The following NALF1 variants were observed in gnomAD, a reference collection of about 807,000 sequenced individuals.
NALF1 encodes family with sequence similarity 155 member A.
In NALF1, 3 loss-of-function variants were observed where a neutral mutation model predicts 48.4. The observed-to-expected ratio is 0.06, with a 90% CI of 0.03 to 0.16. NALF1 has a LOEUF of 0.16. Ranked by LOEUF, NALF1 falls within the 10% of genes least tolerant of loss-of-function variation. The pLI is 1.00. For synonymous variants in NALF1, 262 were observed against 245.7 expected (o/e 1.07, Z -0.62); for missense variants, 526 against 571.5 (o/e 0.92, Z 0.81).
intron 1 of NALF1, among the ~76,000 whole-genome samples, chr13:107,382,733 G>A (rs1883461557): frequency 2.0e-5 from 3 of 152,208 alleles, no homozygotes; most frequent in Middle Eastern, 3.4e-3. Context: ...GTGCTGATTG[G>A]TCGTTTGGTA....
At chr13:107,289,022 T>G (rs1270308450) in intron 1 of NALF1, among the ~76,000 whole-genome samples, 1 of 152,208 alleles carries the variant, frequency 6.6e-6, no homozygotes, top group Non-Finnish European at 1.5e-5. Context: ...GAAACATAGA[T>G]AGCCACCCAT....
intron 1 of NALF1, among the ~76,000 whole-genome samples, chr13:107,282,502 T>C (rs1447083836): frequency 6.6e-6 from 1 of 152,192 alleles, no homozygotes; most frequent in Admixed American, 6.5e-5. Context: ...TCTGGCCTCA[T>C]CATATCTCTA....
chr13:107,565,274 C>T (rs1877772796), intron 1 of NALF1, among the ~76,000 whole-genome samples: 1 of 150,626 alleles, frequency 6.6e-6, no homozygotes, highest in East Asian at 2.0e-4. Context: ...AATCCCATCA[C>T]TTTGGGAGAC....
chr13:107,252,096 AC>A (rs1053079168), intron 1 of NALF1, among the ~76,000 whole-genome samples: 5 of 151,350 alleles, frequency 3.3e-5, no homozygotes, highest in Non-Finnish European at 5.9e-5. Flanking sequence ...AGCCTCTACC[AC>A]CCCCACTGGG....
chr13:107,520,196 T>C (rs1315297020), intron 1 of NALF1, among the ~76,000 whole-genome samples: 1 of 152,178 alleles, frequency 6.6e-6, no homozygotes, highest in Non-Finnish European at 1.5e-5. Flanking sequence ...TTTCTATATG[T>C]ATAAGAAAAA....
intron 1 of NALF1, among the ~76,000 whole-genome samples, chr13:107,517,487 C>T (rs1426506641): frequency 1.3e-5 from 2 of 151,798 alleles, no homozygotes; most frequent in Non-Finnish European, 2.9e-5. Flanking sequence ...AAAAAATTAG[C>T]CGGGCGTGGT....
chr13:107,310,733 A>C (rs887059343), intron 1 of NALF1, among the ~76,000 whole-genome samples: 6 of 152,062 alleles, frequency 3.9e-5, no homozygotes, highest in Non-Finnish European at 8.8e-5. Flanking sequence ...TCTGGAGTAC[A>C]GTAGCGTGAT....
intron 1 of NALF1, among the ~76,000 whole-genome samples, chr13:107,230,383 T>C (rs1439165841): frequency 6.6e-6 from 1 of 152,182 alleles, no homozygotes; most frequent in East Asian, 1.9e-4. Context: ...TCTATATCTA[T>C]GCATAGGAGC....
intron 1 of NALF1, among the ~76,000 whole-genome samples, chr13:107,398,604 A>G (rs776364519): frequency 2.6e-5 from 4 of 152,128 alleles, no homozygotes; most frequent in Non-Finnish European, 4.4e-5. Context: ...GTTGTTCCCA[A>G]TGCAAATTAT....
intron 1 of NALF1, among the ~76,000 whole-genome samples, chr13:107,285,929 C>G (rs1032678582): frequency 9.2e-5 from 14 of 151,908 alleles, no homozygotes; most frequent in African/African-American, 3.4e-4. Flanking sequence ...TCAAATGGAC[C>G]AATATATGCA....
intron 1 of NALF1, among the ~76,000 whole-genome samples, chr13:107,803,175 G>A (rs1438520922): frequency 6.6e-6 from 1 of 152,162 alleles, no homozygotes; most frequent in Non-Finnish European, 1.5e-5. Context: ...TCTGAAGGAA[G>A]GTAGCTGAGC....
intron 1 of NALF1, among the ~76,000 whole-genome samples, chr13:107,727,457 G>A (rs1413361383): frequency 6.6e-6 from 1 of 152,068 alleles, no homozygotes; most frequent in Non-Finnish European, 1.5e-5. Flanking sequence ...TGCCTCACAT[G>A]ACAACCCATA....
At chr13:107,722,671 A>C (rs1412225563) in intron 1 of NALF1, among the ~76,000 whole-genome samples, 2 of 152,170 alleles carry the variant, frequency 1.3e-5, no homozygotes, top group African/African-American at 4.8e-5. Flanking sequence ...GAGAGACCTT[A>C]AATCAAACCT....
chr13:107,199,919 G>A (rs1594066427), intron 2 of NALF1, among the ~76,000 whole-genome samples: 1 of 152,130 alleles, frequency 6.6e-6, no homozygotes. Context: ...GCTGACCTTC[G>A]CTGCTTGTCC....
At chr13:107,511,183 G>C (rs1594102443) in intron 1 of NALF1, among the ~76,000 whole-genome samples, 1 of 152,166 alleles carries the variant, frequency 6.6e-6, no homozygotes, top group East Asian at 1.9e-4. Flanking sequence ...AGTTTGAAGT[G>C]ACTTCTTCAG....
intron 1 of NALF1, among the ~76,000 whole-genome samples, chr13:107,247,131 A>C (rs1273618217): frequency 1.3e-5 from 2 of 152,196 alleles, no homozygotes; most frequent in African/African-American, 2.4e-5. Flanking sequence ...ACTTTGGATT[A>C]ACATAAAGGA....
chr13:107,717,980 CCCAGCCCT>C (rs1875870704), intron 1 of NALF1, among the ~76,000 whole-genome samples: 1 of 152,166 alleles, frequency 6.6e-6, no homozygotes, highest in Non-Finnish European at 1.5e-5. Flanking sequence ...CTCAATTAGA[CCCAGCCCT>C]CCACCTGCTG....
At chr13:107,565,210 A>G (rs914174117) in intron 1 of NALF1, among the ~76,000 whole-genome samples, 2 of 151,526 alleles carry the variant, frequency 1.3e-5, no homozygotes, top group African/African-American at 4.8e-5. Context: ...ATGACCCCAA[A>G]TAAGAAATTT....
Position 107,866,714 on chromosome 13 carries a change from CTCT to C in NALF1, c.-121_-119del. The C allele has an allele frequency of 1.4e-6, 1 of 738,910 alleles. No individual in the cohort carries two copies. The highest frequency in any genetic ancestry group is 1.8e-5 in the South Asian group (1 of 56,518). The allele number at this position is 738,910 out of a possible 1,614,324, so 45.8% of individuals were successfully genotyped here. A position where few individuals can be genotyped will look rare whatever the true frequency, so the allele number is the denominator to read the frequency against. ...CTTATCCCCTCCTCCCGTTTCTTCT[CTCT>C]CCTCTCTCTCTTTCTCTCTCTTCCC... On this transcript the variant is annotated 5_prime_UTR_variant, in exon 1 of 3. Coordinates refer to ENST00000375915, the MANE Select transcript of NALF1 (RefSeq NM_001080396.3). The surrounding 1 kb of genome is among the most constrained non-coding windows in gnomAD (Gnocchi z 4.4).
Sources: gnomAD v4.1 joint callset for allele counts (sites outside exome capture counted in the v4.1 genomes callset) on GRCh38, gnomAD v4.1.1 for gene constraint, Gnocchi (gnomAD v3.1) non-coding constraint, MANE v1.5 for transcripts, NCBI Gene and HGNC (gene_info 2026-07-23, HGNC 2026-07-21) for gene names.